The following HEMK2 variants were observed in gnomAD, a reference collection of about 807,000 sequenced individuals.
HEMK2 encodes HemK methyltransferase 2, ETF1 glutamine and histone H4 lysine.
the HEMK2 span, among the ~76,000 whole-genome samples, chr21:28,677,787 C>T: frequency 3.9e-5 from 6 of 152,322 alleles, no homozygotes; most frequent in South Asian, 8.3e-4. Flanking sequence ...AGGCAAACAG[C>T]GTCTGGAGTG....
chr21:28,680,321 G>A, the HEMK2 span, among the ~76,000 whole-genome samples: 56 of 152,142 alleles, frequency 3.7e-4, 1 homozygote, highest in Non-Finnish European at 2.9e-5. Flanking sequence ...TAAATTCCTC[G>A]ACACATACAC....
the HEMK2 span, among the ~76,000 whole-genome samples, chr21:28,738,941 A>C: frequency 1.3e-5 from 2 of 152,222 alleles, no homozygotes; most frequent in Admixed American, 1.3e-4. Flanking sequence ...GCTTTCAATT[A>C]GCTTTCTCTG....
At chr21:28,734,130 C>T in the HEMK2 span, among the ~76,000 whole-genome samples, 2 of 152,138 alleles carry the variant, frequency 1.3e-5, no homozygotes, top group African/African-American at 4.8e-5. Context: ...CAAAATGAAA[C>T]TGAGCCACTC....
At chr21:28,662,210 G>A in the HEMK2 span, among the ~76,000 whole-genome samples, 5 of 152,084 alleles carry the variant, frequency 3.3e-5, no homozygotes, top group Non-Finnish European at 7.4e-5. Context: ...ACGCTGATAC[G>A]TGTAAACTGT....
chr21:28,679,000 A>C, the HEMK2 span, among the ~76,000 whole-genome samples: 6 of 152,364 alleles, frequency 3.9e-5, no homozygotes, highest in Admixed American at 2.6e-4. Flanking sequence ...TGAGCAAAAT[A>C]ACCAGCTAAC....
chr21:28,815,350 T>G, the HEMK2 span, among the ~76,000 whole-genome samples: 2 of 151,264 alleles, frequency 1.3e-5, no homozygotes, highest in Non-Finnish European at 2.9e-5. Context: ...GTTGTGCACA[T>G]GTACCCTAAA....
the HEMK2 span, among the ~76,000 whole-genome samples, chr21:28,765,002 T>C: frequency 6.6e-6 from 1 of 152,114 alleles, no homozygotes; most frequent in Admixed American, 6.5e-5. Flanking sequence ...GCAGGACCTG[T>C]GACTTGCTTC....
chr21:28,800,168 G>A, the HEMK2 span, among the ~76,000 whole-genome samples: 3 of 152,180 alleles, frequency 2.0e-5, no homozygotes, highest in Non-Finnish European at 4.4e-5. Context: ...CCATGACTGA[G>A]TTATCTGTCT....
At chr21:28,676,734 G>A in the HEMK2 span, among the ~76,000 whole-genome samples, 1 of 152,088 alleles carries the variant, frequency 6.6e-6, no homozygotes, top group Non-Finnish European at 1.5e-5. Context: ...GCTTTGTGGA[G>A]GGTCCCTATT....
the HEMK2 span, among the ~76,000 whole-genome samples, chr21:28,666,633 G>A: frequency 1.3e-3 from 192 of 152,276 alleles, 1 homozygote; most frequent in African/African-American, 4.4e-3. Context: ...TAATAACAGA[G>A]GAGGGCAGGT....
At chr21:28,830,972 T>C in the HEMK2 span, among the ~76,000 whole-genome samples, 2 of 151,718 alleles carry the variant, frequency 1.3e-5, no homozygotes, top group African/African-American at 4.8e-5. Flanking sequence ...CTGTAGAAAA[T>C]TTTTTAAAAT....
the HEMK2 span, among the ~76,000 whole-genome samples, chr21:28,655,746 C>G: frequency 6.6e-6 from 1 of 152,024 alleles, no homozygotes; most frequent in African/African-American, 2.4e-5. Context: ...TACTAGCTCT[C>G]TGATATTTCC....
the HEMK2 span, among the ~76,000 whole-genome samples, chr21:28,818,172 G>A: frequency 6.6e-6 from 1 of 152,138 alleles, no homozygotes; most frequent in Non-Finnish European, 1.5e-5. Flanking sequence ...TAAAAAGCAG[G>A]CAGAAGAACG....
chr21:28,880,009 G>T, the HEMK2 span: 1 of 1,214,664 alleles, frequency 8.2e-7, no homozygotes. Flanking sequence ...TTAAATAACT[G>T]ACAAATTAAT....
chr21:28,725,910 T>C, the HEMK2 span, among the ~76,000 whole-genome samples: 1 of 152,330 alleles, frequency 6.6e-6, no homozygotes, highest in Admixed American at 6.5e-5. Context: ...ATATTGAAAG[T>C]CTAAAATAAA....
At chr21:28,637,064 C>T in the HEMK2 span, among the ~76,000 whole-genome samples, 3 of 152,154 alleles carry the variant, frequency 2.0e-5, no homozygotes, top group Non-Finnish European at 4.4e-5. Context: ...TGCTCAGAGT[C>T]GACTGGGTAG....
At chr21:28,590,422 A>G in the HEMK2 span, among the ~76,000 whole-genome samples, 1 of 152,334 alleles carries the variant, frequency 6.6e-6, no homozygotes, top group African/African-American at 2.4e-5. Context: ...AAAAATAAAA[A>G]AAAACTGAAT....
At chr21:28,880,497 C>G in the HEMK2 span, among the ~76,000 whole-genome samples, 2 of 152,036 alleles carry the variant, frequency 1.3e-5, no homozygotes, top group African/African-American at 4.8e-5. Context: ...TTTAGGAGGC[C>G]GAGGCGGGCG....
At chr21:28,850,369 C>A in the HEMK2 span, among the ~76,000 whole-genome samples, 4 of 151,892 alleles carry the variant, frequency 2.6e-5, no homozygotes, top group East Asian at 7.7e-4. Flanking sequence ...GGACTACAGG[C>A]GCCCGCCACC....
Sources: allele counts gnomAD v4.1 joint callset (sites outside exome capture counted in the v4.1 genomes callset), GRCh38; gene constraint gnomAD v4.1.1; transcripts MANE v1.5; gene names NCBI Gene and HGNC (gene_info 2026-07-23, HGNC 2026-07-21).